Variants in SGCZ observed in about 807,000 individuals in gnomAD.
The protein encoded by SGCZ is zeta-sarcoglycan.
A neutral mutation model predicts 41.3 loss-of-function variants in SGCZ; 40 were observed. The observed-to-expected ratio is 0.97, with a 90% CI of 0.75 to 1.26. SGCZ has a LOEUF of 1.26. Ranked by LOEUF, SGCZ falls within the 50% of genes most tolerant of loss-of-function variation. The pLI is 0.00. For synonymous variants in SGCZ, 206 were observed against 137.5 expected, an observed-to-expected ratio of 1.50 and a Z score of -3.49; for missense variants, 552 against 369.8, an observed-to-expected ratio of 1.49 and a Z score of -4.04.
At chr8:15,030,532 G>A (rs888686959) in intron 1 of SGCZ, among the ~76,000 whole-genome samples, 16 of 152,052 alleles carry the variant, frequency 1.1e-4, no homozygotes, top group African/African-American at 3.6e-4. Context: ...AGAGGATGTG[G>A]AAGAAACCAT....
intron 1 of SGCZ, among the ~76,000 whole-genome samples, chr8:15,215,244 A>C: frequency 6.6e-6 from 1 of 151,982 alleles, no homozygotes; most frequent in East Asian, 1.9e-4. Context: ...ATTAATATGA[A>C]TATTTCACTT....
chr8:14,920,556 A>T (rs1023915322), intron 1 of SGCZ, among the ~76,000 whole-genome samples: 1 of 152,198 alleles, frequency 6.6e-6, no homozygotes, highest in African/African-American at 2.4e-5. Flanking sequence ...ACTGGAGGGT[A>T]AGTCAAAGAT....
At chr8:14,479,753 T>TTTTTTTTTTTTTTTTTTTTG (rs1801479002) in intron 2 of SGCZ, among the ~76,000 whole-genome samples, 1 of 65,772 alleles carries the variant, frequency 1.5e-5, no homozygotes, top group African/African-American at 4.4e-5. Flanking sequence ...TTTTTTTTTT[T>TTTTTTTTTTTTTTTTTTTTG]TTTTTTTTAT....
chr8:14,316,608 A>G (rs1189386313), intron 3 of SGCZ, among the ~76,000 whole-genome samples: 4 of 151,796 alleles, frequency 2.6e-5, no homozygotes, highest in African/African-American at 4.8e-5. Flanking sequence ...AAACACTTTC[A>G]CCTTTCTTCT....
intron 4 of SGCZ, among the ~76,000 whole-genome samples, chr8:14,166,572 T>C (rs754988330): frequency 2.6e-5 from 4 of 152,168 alleles, no homozygotes; most frequent in Non-Finnish European, 5.9e-5. Context: ...TTACAGTACA[T>C]TGCTTCCTTC....
intron 2 of SGCZ, among the ~76,000 whole-genome samples, chr8:14,432,576 T>C (rs749705168): frequency 3.9e-5 from 6 of 152,062 alleles, no homozygotes; most frequent in Admixed American, 2.0e-4. Flanking sequence ...GTGCAGTGTA[T>C]ACTGCTCGGG....
chr8:14,449,731 A>G (rs1348649589), intron 2 of SGCZ, among the ~76,000 whole-genome samples: 1 of 152,160 alleles, frequency 6.6e-6, no homozygotes, highest in African/African-American at 2.4e-5. Flanking sequence ...CCATTTCTGC[A>G]GTTGACCAGA....
chr8:14,324,284 G>A, intron 2 of SGCZ, 80 bp from the exon 3 acceptor site: 2 of 957,740 alleles, frequency 2.1e-6, no homozygotes, highest in East Asian at 4.8e-5. Context: ...GGCCTAAATT[G>A]AGAAAACAGT....
intron 1 of SGCZ, among the ~76,000 whole-genome samples, chr8:14,880,517 G>A (rs577110258): frequency 1.3e-4 from 20 of 152,200 alleles, no homozygotes; most frequent in South Asian, 2.1e-4. Flanking sequence ...TGTTTACTGC[G>A]GCACTATTCA....
intron 3 of SGCZ, among the ~76,000 whole-genome samples, chr8:14,298,199 A>G (rs1801078183): frequency 6.6e-6 from 1 of 152,034 alleles, no homozygotes. Context: ...TTATATAAGG[A>G]ATTTTCTTCA....
At chr8:14,566,248 T>C (rs1195841720) in intron 1 of SGCZ, among the ~76,000 whole-genome samples, 1 of 152,222 alleles carries the variant, frequency 6.6e-6, no homozygotes. Flanking sequence ...ATTATTTACA[T>C]TTTAAAAGAG....
intron 2 of SGCZ, among the ~76,000 whole-genome samples, chr8:14,518,660 C>T (rs1190946476): frequency 6.6e-6 from 1 of 151,960 alleles, no homozygotes; most frequent in Non-Finnish European, 1.5e-5. Flanking sequence ...TTCCATCAAT[C>T]AGGTTACATA....
At chr8:15,218,459 C>T (rs1007476889) in intron 1 of SGCZ, among the ~76,000 whole-genome samples, 4 of 152,208 alleles carry the variant, frequency 2.6e-5, no homozygotes, top group Non-Finnish European at 5.9e-5. Flanking sequence ...TAATTAAAAG[C>T]TGCCTTTAGG....
In SGCZ at chr8:15,095,465, T is replaced by G. The variant is rs11991633; in HGVS notation, c.39+142120A>C. On this transcript the variant is annotated intron_variant, in intron 1 of 7. Coordinates refer to ENST00000382080, the MANE Select transcript of SGCZ (RefSeq NM_139167.4). ...CAGATGCATAGTTTCTTTTTGTTTC[T>G]TAATAGGTTTTCATTTGTATCTTTT... Among the ~76,000 whole-genome samples the G allele has an allele frequency of 3.5e-3, 532 of 152,374 alleles. 4 individuals are homozygous for G. The highest frequency in any genetic ancestry group is 0.012 in the African/African-American group (491 of 41,590).
At chr8:14,254,580 T>G (rs571780819) in intron 3 of SGCZ, among the ~76,000 whole-genome samples, 1 of 152,242 alleles carries the variant, frequency 6.6e-6, no homozygotes, top group Non-Finnish European at 1.5e-5. Context: ...CTCTAAATTG[T>G]TTCATTTCCC....
chr8:14,694,997 C>CAA (rs932746184), intron 1 of SGCZ, among the ~76,000 whole-genome samples: 195 of 152,114 alleles, frequency 1.3e-3, no homozygotes, highest in African/African-American at 4.5e-3. Flanking sequence ...CACATTTGCA[C>CAA]GGAATATGAC....
chr8:14,861,130 A>G (rs1803733524), intron 1 of SGCZ, among the ~76,000 whole-genome samples: 1 of 152,202 alleles, frequency 6.6e-6, no homozygotes, highest in African/African-American at 2.4e-5. Context: ...TGACTAAGAC[A>G]CTACACTTTG....
At position 14,126,221 on chromosome 8, in the gene SGCZ, A is replaced by C. The variant is rs145011710; in HGVS notation, c.548-17986T>G. ...CTACAGAATGGGAGAAAATATTTGC[A>C]ATCTACCCATTTGACAAATGTCTAA... On this transcript the variant is annotated intron_variant, in intron 5 of 7. Transcript: ENST00000382080. Among the ~76,000 whole-genome samples the C allele has an allele frequency of 3.7e-3, 570 of 152,348 alleles. 5 individuals are homozygous for C. The highest frequency in any genetic ancestry group is 0.024 in the Middle Eastern group (7 of 294).
intron 4 of SGCZ, among the ~76,000 whole-genome samples, chr8:14,235,109 T>A (rs1275604750): frequency 6.6e-6 from 1 of 152,202 alleles, no homozygotes; most frequent in African/African-American, 2.4e-5. Context: ...TGTGTCATTA[T>A]CCCCATTTTA....
Sources: allele counts gnomAD v4.1 joint callset (sites outside exome capture counted in the v4.1 genomes callset), GRCh38; gene constraint gnomAD v4.1.1; transcripts MANE v1.5; gene names NCBI Gene and HGNC (gene_info 2026-07-23, HGNC 2026-07-21).